The following PADI3 variants were observed in gnomAD, a reference collection of about 807,000 sequenced individuals.
The protein encoded by PADI3 is peptidyl arginine deiminase 3, also known as protein-arginine deiminase type-3.
In PADI3, 53 loss-of-function variants were observed where a neutral mutation model predicts 71.5. The ratio of observed to expected loss-of-function variants is 0.74; its 90% CI spans 0.59 to 0.93. The LOEUF (loss-of-function observed/expected upper bound fraction) is 0.93, where lower values mean the gene tolerates loss of function less well. Among genes scored for constraint, PADI3 ranks in the 40% least tolerant of loss-of-function variants. The pLI is 0.00. For missense variants in PADI3, 821 were observed against 868.0 expected (o/e 0.95, Z 0.68); for synonymous variants, 361 against 347.5 (o/e 1.04, Z -0.43).
intron 2 of PADI3, among the ~76,000 whole-genome samples, chr1:17,260,343 T>G (rs2073087925): frequency 6.6e-6 from 1 of 152,184 alleles, no homozygotes; most frequent in South Asian, 2.1e-4. Flanking sequence ...CCTTTAAGCT[T>G]GGCACAGGTG....
chr1:17,273,272 G>A, intron 9 of PADI3, 68 bp from the exon 10 acceptor site: 1 of 1,289,810 alleles, frequency 7.8e-7, no homozygotes, highest in Non-Finnish European at 1.1e-6. Flanking sequence ...ACAGGGCTCA[G>A]AGCCGAGCCA....
At chr1:17,267,054 C>T (rs1476475168) in intron 5 of PADI3, among the ~76,000 whole-genome samples, 1 of 152,192 alleles carries the variant, frequency 6.6e-6, no homozygotes, top group African/African-American at 2.4e-5. Flanking sequence ...AGGGCAGAAG[C>T]TCTGGAAATG....
At chr1:17,273,475 C>G (rs749546734) in intron 10 of PADI3, 28 bp downstream of exon 10, 2 of 1,463,844 alleles carry the variant, frequency 1.4e-6, no homozygotes, top group Non-Finnish European at 1.9e-6. Flanking sequence ...CAGCCCACCC[C>G]TGAGAGCTGA....
intron 1 of PADI3, among the ~76,000 whole-genome samples, chr1:17,254,661 G>C (rs1369436726): frequency 1.3e-5 from 2 of 152,064 alleles, no homozygotes; most frequent in African/African-American, 4.8e-5. Context: ...GATACACGAG[G>C]GGGATGGGCT....
chr1:17,259,819 G>A (rs2073081709), intron 2 of PADI3, 61 bp downstream of exon 2: 1 of 1,435,562 alleles, frequency 7.0e-7, no homozygotes. Flanking sequence ...CTAGCTCTAG[G>A]AGGGCCCAAC....
intron 1 of PADI3, among the ~76,000 whole-genome samples, chr1:17,250,315 A>T (rs569337852): frequency 1.6e-4 from 24 of 152,270 alleles, no homozygotes; most frequent in South Asian, 4.1e-4. Context: ...GCACTGTAGG[A>T]TGGAGAGCAG....
At position 17,270,287 on chromosome 1, in the gene PADI3, C is replaced by A. The variant is rs532392877; in HGVS notation, c.707C>A (p.Ser236Tyr). ...CATGTGCTGGGCCAAGATAAGGTGT[C>A]CTATGAGGTACCCCGCTTGCATGGG... is the stretch of plus-strand genomic sequence containing the variant. ...YRHVLGQDKV[S>Y]YEVPRLHGDE... is the part of the protein sequence containing the mutation. Residue 236 changes from serine to tyrosine, a missense_variant, in exon 7 of 16, where the codon TCC becomes TAC. Transcript: ENST00000375460. 2 of 1,613,756 alleles carry A rather than the reference C, an allele frequency of 1.2e-6. No individual in the cohort carries two copies. Among genetic ancestry groups the A allele is most frequent in the Admixed American group, 1.7e-5 (1 of 59,958 alleles).
At chr1:17,273,141 G>T (rs1004366459) in intron 9 of PADI3, among the ~76,000 whole-genome samples, 199 bp from the exon 10 acceptor site, 8 of 152,150 alleles carry the variant, frequency 5.3e-5, no homozygotes, top group African/African-American at 1.4e-4. Flanking sequence ...CCTTAGACAA[G>T]TGCACCCCCT....
rs749226130 is a variant in PADI3, at chr1:17,249,188, G to A, written c.51G>A (p.Ala17=). 3.1e-6 allele frequency: 5 copies of A among 1,614,160 alleles called. No individual in the cohort carries two copies. The highest frequency in any genetic ancestry group is 4.5e-5 in the East Asian group (2 of 44,876). Residue 17 remains alanine, a synonymous_variant, in exon 1 of 16, where the codon GCG becomes GCA. Transcript: ENST00000375460. The part of the protein sequence containing the change: ...VRVSLEHPTS[A]VCVAGVETLV... Reference sequence around the variant, plus strand: ...TGTCCCTGGAGCATCCCACCAGCGCGGTGTGTGTGGCTGGCGTGGAGACCC... The same window carrying A: ...TGTCCCTGGAGCATCCCACCAGCGCAGTGTGTGTGGCTGGCGTGGAGACCC...
intron 6 of PADI3, among the ~76,000 whole-genome samples, chr1:17,268,798 T>C (rs2073206471): frequency 6.6e-6 from 1 of 151,846 alleles, no homozygotes; most frequent in Non-Finnish European, 1.5e-5. Context: ...TGAGCCACCG[T>C]GCCTGGCCGC....
At chr1:17,276,941 A>C (rs80012763) in intron 13 of PADI3, 65 bp downstream of exon 13, 1 of 1,379,104 alleles carries the variant, frequency 7.3e-7, no homozygotes. Context: ...AAGACACATC[A>C]TGGCTTGAGA....
intron 1 of PADI3, among the ~76,000 whole-genome samples, chr1:17,254,303 G>A (rs535606905): frequency 6.6e-6 from 1 of 152,200 alleles, no homozygotes. Flanking sequence ...TCCCAGCTCG[G>A]TGGAGACCTC....
At chr1:17,269,486 C>T (rs1254434074) in intron 6 of PADI3, among the ~76,000 whole-genome samples, 2 of 152,138 alleles carry the variant, frequency 1.3e-5, no homozygotes, top group African/African-American at 2.4e-5. Context: ...AGTCCAGAAC[C>T]GTGCCCCATG....
chr1:17,263,847 G>T (rs1364861017), intron 3 of PADI3, among the ~76,000 whole-genome samples: 4 of 152,172 alleles, frequency 2.6e-5, no homozygotes, highest in Non-Finnish European at 5.9e-5. Context: ...AAGTCCCAGT[G>T]ATCAAAACCC....
chr1:17,262,079 G>T (rs374694555), intron 2 of PADI3, 54 bp from the exon 3 acceptor site: 10 of 1,509,114 alleles, frequency 6.6e-6, no homozygotes, highest in Middle Eastern at 3.4e-4. Flanking sequence ...GCTATCTTTT[G>T]GGGCGGGAGC....
Position 17,270,226 on chromosome 1 carries a change from C to G in PADI3, c.653-7C>G. On this transcript the variant is annotated splice_region_variant and splice_polypyrimidine_tract_variant and intron_variant, in intron 6 of 15. Coordinates refer to ENST00000375460, the MANE Select transcript of PADI3 (RefSeq NM_016233.2). ...GAGTCACAGCCACCCCGTCCCTCCC[C>G]TTCCAGGTCCTGAGGATGTGTGTGA... The G allele has an allele frequency of 6.2e-7, 1 of 1,606,798 alleles. No individual in the cohort carries two copies. Among genetic ancestry groups the G allele is most frequent in the Non-Finnish European group, 8.5e-7 (1 of 1,175,830 alleles).
At chr1:17,281,743 G>T (rs1273646814) in intron 15 of PADI3, among the ~76,000 whole-genome samples, 2 of 152,218 alleles carry the variant, frequency 1.3e-5, no homozygotes, top group African/African-American at 4.8e-5. Flanking sequence ...GGAAGCCACC[G>T]TGCTTGGCCT....
intron 14 of PADI3, 76 bp downstream of exon 14, chr1:17,280,505 A>G: frequency 1.3e-6 from 2 of 1,487,654 alleles, no homozygotes; most frequent in Non-Finnish European, 1.9e-6. Flanking sequence ...GGATACAGAC[A>G]TCTGAGGCTA....
chr1:17,266,910 C>A, intron 5 of PADI3, 74 bp downstream of exon 5: 1 of 1,135,646 alleles, frequency 8.8e-7, no homozygotes, highest in Non-Finnish European at 1.3e-6. Flanking sequence ...TTCCAACCCA[C>A]AGGCGAGACT....
Sources: allele counts gnomAD v4.1 joint callset (sites outside exome capture counted in the v4.1 genomes callset), GRCh38; gene constraint gnomAD v4.1.1; transcripts MANE v1.5; gene names NCBI Gene and HGNC (gene_info 2026-07-23, HGNC 2026-07-21).